The following WIZ variants were observed in gnomAD, a reference collection of about 807,000 sequenced individuals.
WIZ encodes protein Wiz.
Under a neutral mutation model 140.2 loss-of-function variants are expected in WIZ, and 25 were observed. That is an observed-to-expected ratio of 0.18 (90% confidence interval 0.13 to 0.25). The LOEUF (loss-of-function observed/expected upper bound fraction) is 0.25, where lower values mean the gene tolerates loss of function less well. WIZ is among the 10% of genes least tolerant of loss of function. The probability of loss-of-function intolerance (pLI) is 1.00; values close to 1 mark genes in which losing one functional copy is unlikely to be tolerated. For missense variants in WIZ, 2,231 were observed against 2,632.6 expected (o/e 0.85, Z 3.34); for synonymous variants, 1,125 against 1,154.3 (o/e 0.97, Z 0.51).
Position 15,439,931 on chromosome 19 carries a change from C to A in WIZ, c.1063G>T (p.Gly355Trp). Reference sequence around the variant, plus strand: ...TCAGCAAAGGCCCAGCCACACTCCCCGCAGGCCAGCGGGGCCAGGTCCGCA... The same window carrying A: ...TCAGCAAAGGCCCAGCCACACTCCCAGCAGGCCAGCGGGGCCAGGTCCGCA... ...PPADLAPLAC[G>W]ECGWAFADPT... The change falls in exon 4 of 13, where the codon GGG (glycine) becomes TGG (tryptophan). Residue 355 changes from glycine (G) to tryptophan (W), a missense_variant. Around this residue, in one of 15 missense-constraint regions of WIZ, gnomAD observed 475 missense variants for 520.2 expected, o/e 0.91. Transcript: ENST00000673675. The surrounding 1 kb of genome is among the most constrained non-coding windows in gnomAD (Gnocchi z 7.0). 1 of 1,533,142 alleles carries A rather than the reference C, an allele frequency of 6.5e-7. No individual in the cohort carries two copies. Among genetic ancestry groups the A allele is most frequent in the Non-Finnish European group, 8.7e-7 (1 of 1,145,312 alleles). The allele number at this position is 1,533,142 out of a possible 1,614,324, so 95.0% of individuals were successfully genotyped here.
Position 15,436,903 on chromosome 19 carries a change from C to A in WIZ, c.2643G>T (p.Pro881=). 6.2e-7 allele frequency: 1 copy of A among 1,612,404 alleles called. No homozygotes were observed. The highest frequency in any genetic ancestry group is 8.5e-7 in the Non-Finnish European group (1 of 1,179,392). Reference sequence around the variant, plus strand: ...GACGGGAGGTCAGGAAGCTGCCAGGCGGACCCCCAGGCTCTCGGCCCAGGG... The same window carrying A: ...GACGGGAGGTCAGGAAGCTGCCAGGAGGACCCCCAGGCTCTCGGCCCAGGG... ...PSPLGREPGG[P]PGSFLTSRRP... is the part of the protein sequence containing the mutation. Residue 881 remains proline (P), a synonymous_variant, in exon 5 of 13, where the codon CCG becomes CCT. Coordinates refer to ENST00000673675, the MANE Select transcript of WIZ (RefSeq NM_001371589.1).
chr19:15,424,306 T>C lies in WIZ; in HGVS notation c.5387A>G (p.Gln1796Arg). Residue 1796 changes from glutamine to arginine, a missense_variant, in exon 12 of 13, where the codon CAG becomes CGG. This residue lies in a region of WIZ where 299 missense variants were observed against 309.6 expected (regional missense o/e 0.97). Transcript: ENST00000673675. This position sits in a 1 kb window ranked among gnomAD's most constrained non-coding sequence, Gnocchi z 9.7. ...ARGGEDTNDL[Q>R]QKLEEVRQPP... ...TTGCCGCACCTCCTCCAGCTTCTGCTGTAGGTCATTGGTGTCCTCGCCTCC... is the reference window on the plus strand; with the variant it reads ...TTGCCGCACCTCCTCCAGCTTCTGCCGTAGGTCATTGGTGTCCTCGCCTCC... The C allele has an allele frequency of 1.9e-6, 3 of 1,601,628 alleles. No individual in the cohort carries two copies. The highest frequency in any genetic ancestry group is 2.6e-6 in the Non-Finnish European group (3 of 1,176,130).
intron 5 of WIZ, chr19:15,433,389 TA>T (rs1364748503): frequency 3.1e-6 from 3 of 977,128 alleles, no homozygotes; most frequent in Non-Finnish European, 3.6e-6. Context: ...CCTGCCCACT[TA>T]GGGAGAGGGG....
rs527312166 is a variant in WIZ at position 15,440,469 on chromosome 19, C to T, written c.525G>A (p.Glu175=). 4.0e-4 allele frequency: 615 copies of T among 1,536,128 alleles called. 7 individuals are homozygous for T. The highest frequency in any genetic ancestry group is 3.8e-3 in the South Asian group (318 of 84,066). Reference sequence around the variant, plus strand: ...ACCTGGGGCGGCCCTGGGCATGTTTCTCCAAAAGCCTTGGTTCCCCCCGGT... The same window carrying T: ...ACCTGGGGCGGCCCTGGGCATGTTTTTCCAAAAGCCTTGGTTCCCCCCGGT... ...LHHRGEPRLL[E]KHAQGRPRFD... is the part of the protein sequence containing the mutation. Residue 175 remains glutamate (E), a synonymous_variant, in exon 4 of 13, where the codon GAG becomes GAA. Coordinates refer to ENST00000673675, the MANE Select transcript of WIZ (RefSeq NM_001371589.1). The surrounding 1 kb of genome is among the most constrained non-coding windows in gnomAD (Gnocchi z 6.2).
In WIZ at chr19:15,431,104, G is replaced by C; in HGVS notation, c.2819C>G (p.Pro940Arg). 4.6e-6 allele frequency: 7 copies of C among 1,535,916 alleles called. No individual in the cohort carries two copies. Among genetic ancestry groups the C allele is most frequent in the Non-Finnish European group, 6.1e-6 (7 of 1,146,814 alleles). ...PSLPKKSLPVPGALEQVASRL... is the reference protein window; with the variant it reads ...PSLPKKSLPVRGALEQVASRL... ...ACTGGCCACCTGCTCCAGGGCCCCA[G>C]GGACAGGCAGGCTCTTCTTAGGGAG... The change falls in exon 6 of 13, where the codon CCT becomes CGT. Residue 940 changes from proline (P) to arginine (R), a missense_variant. Physicochemically the swap from Pro to Arg is moderately radical, Grantham distance 103 (BLOSUM62 -2). This residue lies in a region of WIZ where 137 missense variants were observed against 135.8 expected (regional missense o/e 1.01). Coordinates refer to ENST00000673675, the MANE Select transcript of WIZ (RefSeq NM_001371589.1).
Position 15,440,796 on chromosome 19 carries a change from G to A in WIZ, c.279-81C>T. 1 of 1,382,246 alleles carries A rather than the reference G, an allele frequency of 7.2e-7. No individual in the cohort carries two copies. The highest frequency in any genetic ancestry group is 1.5e-5 in the African/African-American group (1 of 68,690). The allele number at this position is 1,382,246 out of a possible 1,614,324, so 85.6% of individuals were successfully genotyped here. A position where few individuals can be genotyped will look rare whatever the true frequency, so the allele number is the denominator to read the frequency against. ...AGGGTGGTGATGGGGGTCCTCCCAG[G>A]CCGTTTGAAGCAGGCCCCGGAGATC... is the stretch of plus-strand genomic sequence containing the variant. On this transcript the variant is annotated intron_variant, in intron 3 of 12. Coordinates refer to ENST00000673675, the MANE Select transcript of WIZ (RefSeq NM_001371589.1). This position sits in a 1 kb window ranked among gnomAD's most constrained non-coding sequence, Gnocchi z 6.2.
Position 15,424,476 on chromosome 19 carries a change from G to T in WIZ, c.5315-98C>A. 6.5e-7 allele frequency: 1 copy of T among 1,527,464 alleles called. No homozygotes were observed. Among genetic ancestry groups the T allele is most frequent in the Non-Finnish European group, 8.8e-7 (1 of 1,130,618 alleles). The allele number at this position is 1,527,464 out of a possible 1,614,324, so 94.6% of individuals were successfully genotyped here. On this transcript the variant is annotated intron_variant, in intron 11 of 12. Coordinates refer to ENST00000673675, the MANE Select transcript of WIZ (RefSeq NM_001371589.1). The surrounding 1 kb of genome is among the most constrained non-coding windows in gnomAD (Gnocchi z 9.7). ...GAGGACTGATGCTACCTGGATGGGT[G>T]GGATGGGGGATGGATGGGTGAATGG...
chr19:15,423,109 C>A lies in WIZ; in HGVS notation c.5637G>T (p.Pro1879=), dbSNP rs755067292. The change falls in exon 13 of 13, where the codon CCG becomes CCT. Residue 1879 remains proline (P), a synonymous_variant. Transcript: ENST00000673675. ...CCTCTGCCGCCGCTGTCTGTGCCTG[C>A]GGGGCCTGGGACTCCTCAGGTGGGG... The part of the protein sequence containing the change: ...ADPPPEESQA[P]QAQTAAAEAP 6.8e-6 allele frequency: 11 copies of A among 1,612,204 alleles called. No homozygotes were observed. Among genetic ancestry groups the A allele is most frequent in the Admixed American group, 1.7e-5 (1 of 59,984 alleles).
Position 15,448,331 on chromosome 19 carries a change from C to T in WIZ, c.-24G>A. On this transcript the variant is annotated 5_prime_UTR_variant, in exon 2 of 13. In the 5' UTR this introduces an upstream ATG that the reference lacks. Transcript: ENST00000673675. The stretch of plus-strand genomic sequence containing the variant: ...ATCGGATTTTCTCTGCTTGGATCCA[C>T]TCAGCTGCTGCACCGGCTCAGCGGG... The T allele has an allele frequency of 6.2e-7, 1 of 1,608,992 alleles. No homozygotes were observed.
chr19:15,440,592 C>T lies in WIZ; in HGVS notation c.402G>A (p.Gly134=), dbSNP rs932673217. 6.5e-7 allele frequency: 1 copy of T among 1,536,140 alleles called. No individual in the cohort carries two copies. The highest frequency in any genetic ancestry group is 8.7e-7 in the Non-Finnish European group (1 of 1,146,876). Residue 134 remains glycine (G), a synonymous_variant, in exon 4 of 13, where the codon GGG becomes GGA. Coordinates refer to ENST00000673675, the MANE Select transcript of WIZ (RefSeq NM_001371589.1). The surrounding 1 kb of genome is among the most constrained non-coding windows in gnomAD (Gnocchi z 6.2). The stretch of plus-strand genomic sequence containing the variant: ...ATCTCCGCTCAGATAGGATGCCCTC[C>T]CCAGCCTCCTGGACAAGGGGGTGCT... The part of the protein sequence containing the change: ...PWEHPLVQEA[G]EGILSERRFE...
chr19:15,448,234 G>T lies in WIZ; in HGVS notation c.74C>A (p.Ala25Glu). 2 of 1,613,456 alleles carry T rather than the reference G, an allele frequency of 1.2e-6. No individual in the cohort carries two copies. The highest frequency in any genetic ancestry group is 1.1e-5 in the South Asian group (1 of 91,066). Residue 25 changes from alanine (A) to glutamate (E), a missense_variant, in exon 2 of 13, where the codon GCG (alanine) becomes GAG (glutamate). Coordinates refer to ENST00000673675, the MANE Select transcript of WIZ (RefSeq NM_001371589.1). ...CCCACCCTCGATGTTCTCCCTTGGCGCCGGGCCAGGCAGTCTCTCTGGGCC... is the reference window on the plus strand; with the variant it reads ...CCCACCCTCGATGTTCTCCCTTGGCTCCGGGCCAGGCAGTCTCTCTGGGCC... The part of the protein sequence containing the change: ...PQGPERLPGP[A>E]PRENIEGGAE...
At position 15,428,167 on chromosome 19, in the gene WIZ, C is replaced by T. The variant is rs868697803; in HGVS notation, c.3757G>A (p.Ala1253Thr). The T allele has an allele frequency of 3.3e-5, 50 of 1,534,484 alleles. No individual in the cohort carries two copies. Among genetic ancestry groups the T allele is most frequent in the African/African-American group, 4.1e-5 (3 of 73,100 alleles). The change falls in exon 8 of 13, where the codon GCC becomes ACC. Residue 1253 changes from alanine to threonine, a missense_variant. Coordinates refer to ENST00000673675, the MANE Select transcript of WIZ (RefSeq NM_001371589.1). The surrounding 1 kb of genome is among the most constrained non-coding windows in gnomAD (Gnocchi z 6.4). ...SPWGKQDLSA[A>T]AAAGIFWASD... is the part of the protein sequence containing the mutation. ...GCCCAGAAAATGCCGGCGGCTGCGG[C>T]GGCCGAGAGGTCCTGCTTCCCCCAG...
intron 9 of WIZ, 57 bp from the exon 10 acceptor site, chr19:15,425,825 AG>A (rs1302419453): frequency 0.26 from 10,868 of 41,802 alleles, 2,507 homozygotes; most frequent in East Asian, 0.55. Context: ...AGGGAGGAGG[AG>A]GGAGGAGGAG....
rs1302888091 is a variant in WIZ at position 15,439,520 on chromosome 19, A to T, written c.1474T>A (p.Trp492Arg). The T allele has an allele frequency of 7.8e-6, 12 of 1,533,142 alleles. No individual in the cohort carries two copies. The highest frequency in any genetic ancestry group is 1.0e-5 in the Non-Finnish European group (12 of 1,145,270). The allele number at this position is 1,533,142 out of a possible 1,614,324, so 95.0% of individuals were successfully genotyped here. Residue 492 changes from tryptophan to arginine, a missense_variant, in exon 4 of 13, where the codon TGG becomes AGG. Physicochemically the swap from Trp to Arg is moderately radical, Grantham distance 101. Transcript: ENST00000673675. The surrounding 1 kb of genome is among the most constrained non-coding windows in gnomAD (Gnocchi z 7.0). Reference sequence around the variant, plus strand: ...TCATAAGCCTCGCCATCCTCCTCCCAGTGGGGATGGGCATGCACCAGCCTC... The same window carrying T: ...TCATAAGCCTCGCCATCCTCCTCCCTGTGGGGATGGGCATGCACCAGCCTC... ...HVRLVHAHPHWEEDGEAYEED... is the reference protein window; with the variant it reads ...HVRLVHAHPHREEDGEAYEED...
intron 1 of WIZ, 161 bp downstream of exon 1, chr19:15,449,637 C>G (rs1209352567): frequency 6.7e-6 from 1 of 149,930 alleles, no homozygotes; most frequent in South Asian, 2.0e-4. Flanking sequence ...GCCCCTCCCC[C>G]CACCTGCACG....
Position 15,425,322 on chromosome 19 carries a change from C to G in WIZ, c.4813G>C (p.Ala1605Pro). Residue 1605 changes from alanine (A) to proline (P), a missense_variant, in exon 10 of 13, where the codon GCA becomes CCA. Ala to Pro is a conservative substitution (Grantham distance 27). Transcript: ENST00000673675. ...ATGTAGGTCTTGGCCTTGACCTCTG[C>G]TGGGAGGAGGCGGTCCTCCTGCAGG... ...RPLQEDRLLPAEVKAKTYIQT... is the reference protein window; with the variant it reads ...RPLQEDRLLPPEVKAKTYIQT... The G allele has an allele frequency of 1.3e-6, 2 of 1,577,422 alleles. No individual in the cohort carries two copies. The highest frequency in any genetic ancestry group is 2.3e-5 in the South Asian group (2 of 86,696).
chr19:15,445,295 G>A (rs1568315624), intron 2 of WIZ, among the ~76,000 whole-genome samples: 1 of 152,232 alleles, frequency 6.6e-6, no homozygotes, highest in Non-Finnish European at 1.5e-5. Flanking sequence ...AGACAGATCC[G>A]AGTTCAATAC....
rs575003184 is a variant in WIZ at position 15,420,254 on chromosome 19, A to T, written c.*2822T>A. 6.6e-6 allele frequency: 1 copy of T among 152,344 alleles called. No homozygotes were observed. The highest frequency in any genetic ancestry group is 1.5e-5 in the Non-Finnish European group (1 of 68,036). The allele number at this position is 152,344 out of a possible 1,614,324, so 9.4% of individuals were successfully genotyped here. The stretch of plus-strand genomic sequence containing the variant: ...ATTTTACTGTTTGCTCTACTTTTGT[A>T]TAGTTGGAATTCTCCATGATAAACT... On this transcript the variant is annotated 3_prime_UTR_variant, in exon 13 of 13. Transcript: ENST00000673675.
chr19:15,448,206 G>A lies in WIZ; in HGVS notation c.102C>T (p.Ala34=), dbSNP rs748254988. 31 of 1,612,888 alleles carry A rather than the reference G, an allele frequency of 1.9e-5. No individual in the cohort carries two copies. The highest frequency in any genetic ancestry group is 1.9e-4 in the African/African-American group (14 of 74,836). The change falls in exon 2 of 13, where the codon GCC becomes GCT. Residue 34 remains alanine (A), a synonymous_variant. Transcript: ENST00000673675. ...TGCCACCTTCCCCCTCAGCAGCTTC[G>A]GCCCCACCCTCGATGTTCTCCCTTG... ...PAPRENIEGG[A]EAAEGEGGIF...
Sources: gnomAD v4.1 joint callset for allele counts (sites outside exome capture counted in the v4.1 genomes callset) on GRCh38, gnomAD v4.1.1 for gene constraint, gnomAD v4.1.1 regional missense constraint, Gnocchi (gnomAD v3.1) non-coding constraint, MANE v1.5 for transcripts, NCBI Gene and HGNC (gene_info 2026-07-23, HGNC 2026-07-21) for gene names.